LMF1: variants seen among roughly 807,000 people sequenced by gnomAD.
LMF1 encodes transmembrane protein 112.
A neutral mutation model predicts 60.6 loss-of-function variants in LMF1; 68 were observed. The ratio of observed to expected loss-of-function variants is 1.12; its 90% CI spans 0.92 to 1.37. LMF1 has a LOEUF of 1.37. Ranked by LOEUF, LMF1 falls within the 40% of genes most tolerant of loss-of-function variation. The pLI is 0.00. For missense variants in LMF1, 948 were observed against 767.2 expected (o/e 1.24, Z -2.78); for synonymous variants, 418 against 324.7 (o/e 1.29, Z -3.09).
chr16:968,737 C>T (rs970054793), intron 1 of LMF1: 19 of 152,232 alleles, frequency 1.2e-4, no homozygotes, highest in East Asian at 1.2e-3. Context: ...CTTAAAATAT[C>T]CGCTTGACCC....
At chr16:966,647 G>C (rs956664428) in intron 1 of LMF1, among the ~76,000 whole-genome samples, 3 of 152,236 alleles carry the variant, frequency 2.0e-5, no homozygotes, top group African/African-American at 7.2e-5. Flanking sequence ...CGTCTCCCAG[G>C]CGGGTGTGTC....
chr16:954,705 C>T (rs765765355), intron 1 of LMF1, 39 bp from the exon 2 acceptor site: 4 of 1,542,992 alleles, frequency 2.6e-6, no homozygotes, highest in Non-Finnish European at 2.6e-6. Context: ...TGACTAGGAA[C>T]AAACCACATG....
Position 954,508 on chromosome 16 carries a change from C to A in LMF1, c.352G>T (p.Asp118Tyr), listed in dbSNP as rs760904098. The A allele has an allele frequency of 1.8e-5, 29 of 1,612,808 alleles. No individual in the cohort carries two copies. Among genetic ancestry groups the A allele is most frequent in the Non-Finnish European group, 2.3e-5 (27 of 1,179,604 alleles). Residue 118 changes from aspartate (D) to tyrosine (Y), a missense_variant, in exon 2 of 11, where the codon GAC becomes TAC. Physicochemically the swap from Asp to Tyr is radical, Grantham distance 160 (BLOSUM62 -3). Coordinates refer to ENST00000262301, the MANE Select transcript of LMF1 (RefSeq NM_022773.4). Reference protein sequence around the residue: ...SYMPTILWLMDWSDMNSNLDL... With the variant: ...SYMPTILWLMYWSDMNSNLDL... ...AGGTTGGAGTTCATGTCTGACCAGT[C>A]CATCAGCCAGAGGATGGTGGGCATG... is the stretch of plus-strand genomic sequence containing the variant.
chr16:952,545 C>T (rs1274344868), intron 2 of LMF1: 5 of 153,058 alleles, frequency 3.3e-5, no homozygotes, highest in African/African-American at 1.2e-4. Flanking sequence ...GGCTCCACAG[C>T]CCAAGGCTGC....
chr16:954,265 C>T (rs747230959), intron 2 of LMF1, 92 bp downstream of exon 2: 27 of 1,263,706 alleles, frequency 2.1e-5, no homozygotes, highest in Non-Finnish European at 2.7e-5. Context: ...GATAAACGCT[C>T]GTCCAGTCTT....
intron 6 of LMF1, among the ~76,000 whole-genome samples, chr16:876,396 G>A (rs1009228990): frequency 3.9e-5 from 6 of 152,166 alleles, no homozygotes; most frequent in African/African-American, 4.8e-5. Flanking sequence ...GACACGTGTC[G>A]TCGTCCGTTT....
intron 10 of LMF1, among the ~76,000 whole-genome samples, chr16:864,150 A>G (rs968232848): frequency 1.3e-5 from 2 of 152,250 alleles, no homozygotes; most frequent in African/African-American, 4.8e-5. Flanking sequence ...TAGGATTGCT[A>G]CATCTGTTTG....
chr16:857,281 G>A (rs1248946441), intron 10 of LMF1, among the ~76,000 whole-genome samples: 1 of 152,272 alleles, frequency 6.6e-6, no homozygotes, highest in Non-Finnish European at 1.5e-5. Context: ...GTCCATGGAA[G>A]CAGCTGCTGA....
chr16:905,106 G>GTC (rs2070939521), intron 4 of LMF1: 1 of 161,850 alleles, frequency 6.2e-6, no homozygotes, highest in East Asian at 2.0e-4. Context: ...GAGGACGCCT[G>GTC]TCTCTGCTGC....
Position 893,429 on chromosome 16 carries a change from A to G in LMF1, c.664-357T>C, listed in dbSNP as rs677852. Reference sequence around the variant, plus strand: ...CACGCCCTGCACAGACCCCACGGACAGTGTCAGAGGGAAGCTTCTCAGTGC... The same window carrying G: ...CACGCCCTGCACAGACCCCACGGACGGTGTCAGAGGGAAGCTTCTCAGTGC... On this transcript the variant is annotated intron_variant, in intron 4 of 10. Transcript: ENST00000262301. 4.0e-3 allele frequency: 1,856 copies of G among 462,296 alleles called. 8 individuals are homozygous for G. The highest frequency in any genetic ancestry group is 7.3e-3 in the Admixed American group (311 of 42,718). The allele number at this position is 462,296 out of a possible 1,614,324, so 28.6% of individuals were successfully genotyped here.
At chr16:856,843 C>T (rs1449102815) in intron 10 of LMF1, among the ~76,000 whole-genome samples, 3 of 152,040 alleles carry the variant, frequency 2.0e-5, no homozygotes, top group African/African-American at 7.2e-5. Context: ...TGAAATAGAC[C>T]CTACTGGCAA....
chr16:907,074 T>C (rs1396885005), intron 4 of LMF1, among the ~76,000 whole-genome samples: 1 of 152,228 alleles, frequency 6.6e-6, no homozygotes, highest in Non-Finnish European at 1.5e-5. Context: ...ATACTTAACA[T>C]TTTCATTTTG....
intron 10 of LMF1, among the ~76,000 whole-genome samples, chr16:860,451 C>A (rs905754309): frequency 6.6e-6 from 1 of 151,934 alleles, no homozygotes; most frequent in African/African-American, 2.4e-5. Flanking sequence ...GTGATCCTCC[C>A]ACCTCAGCCT....
At chr16:869,157 C>CA (rs1161194522) in intron 9 of LMF1, 101 bp from the exon 10 acceptor site, 1 of 833,072 alleles carries the variant, frequency 1.2e-6, no homozygotes, top group Non-Finnish European at 2.1e-6. Context: ...CTGAGGCTTT[C>CA]CTGGAGGTGG....
rs556028814 is a variant in LMF1, at chr16:904,227, GTC to G, written c.663+6702_663+6703del. Among the ~76,000 whole-genome samples the G allele has an allele frequency of 6.4e-4, 55 of 86,016 alleles. 6 individuals are homozygous for G. The highest frequency in any genetic ancestry group is 3.7e-3 in the African/African-American group (52 of 14,228). 56.4% of individuals were successfully genotyped at this position (86,016 alleles called of 152,430 possible). ...CCTCTGCATCGCCCACAGGACGCCT[GTC>G]TCTGCTGCGTCGTGGTGACCTCTGC... On this transcript the variant is annotated intron_variant, in intron 4 of 10. Transcript: ENST00000262301.
intron 6 of LMF1, chr16:872,876 A>G (rs1429313852): frequency 6.6e-6 from 1 of 152,300 alleles, no homozygotes. Context: ...CGGCCATGCC[A>G]GAACCATCAG....
intron 2 of LMF1, among the ~76,000 whole-genome samples, chr16:949,872 C>A (rs74188339): frequency 0.022 from 1,226 of 55,808 alleles, 28 homozygotes; most frequent in African/African-American, 0.042. Context: ...CCAAGGACAG[C>A]GTCAGCCAAC....
At chr16:918,778 A>C (rs2071346848) in intron 3 of LMF1, among the ~76,000 whole-genome samples, 2 of 70,366 alleles carry the variant, frequency 2.8e-5, no homozygotes, top group Non-Finnish European at 5.3e-5. Context: ...ATGTGAATTT[A>C]AGTGACCACG....
At chr16:869,766 C>T in intron 9 of LMF1, 117 bp downstream of exon 9, 1 of 1,090,172 alleles carries the variant, frequency 9.2e-7, no homozygotes, top group Non-Finnish European at 1.3e-6. Flanking sequence ...GATCCCATCT[C>T]TCCCAGCCTC....
Sources: gnomAD v4.1 joint callset for allele counts (sites outside exome capture counted in the v4.1 genomes callset) on GRCh38, gnomAD v4.1.1 for gene constraint, MANE v1.5 for transcripts, NCBI Gene and HGNC (gene_info 2026-07-23, HGNC 2026-07-21) for gene names.